TLN2: variants seen among roughly 807,000 people sequenced by gnomAD.
TLN2 encodes the protein talin-2.
TLN2 carries 118 observed loss-of-function variants against 294.7 expected under a neutral mutation model. The ratio of observed to expected loss-of-function variants is 0.40; its 90% confidence interval spans 0.34 to 0.47. TLN2 has a LOEUF of 0.47. Ranked by LOEUF, TLN2 falls within the 20% of genes least tolerant of loss-of-function variation. The pLI is 0.84. For synonymous variants in TLN2, 1,431 were observed against 1,304.5 expected, an observed-to-expected ratio of 1.10 and a Z score of -2.09; for missense variants, 3,083 against 3,282.2, an observed-to-expected ratio of 0.94 and a Z score of 1.48.
At chr15:62,436,590 C>A (rs1220896932) in intron 1 of TLN2, among the ~76,000 whole-genome samples, 1 of 152,164 alleles carries the variant, frequency 6.6e-6, no homozygotes, top group Admixed American at 6.6e-5. Context: ...TTTGAGAAAC[C>A]AGTGAAGGCC....
intron 12 of TLN2, among the ~76,000 whole-genome samples, chr15:62,692,276 C>G (rs115637976): frequency 0.025 from 3,737 of 152,246 alleles, 154 homozygotes; most frequent in African/African-American, 0.079. Context: ...AAGCCACTGG[C>G]TAGAGGGCAG....
intron 48 of TLN2, among the ~76,000 whole-genome samples, chr15:62,799,161 G>A (rs1022055940): frequency 2.6e-5 from 4 of 152,156 alleles, no homozygotes; most frequent in African/African-American, 7.2e-5. Flanking sequence ...GGTTAAGACC[G>A]TGGCCCTCAT....
At chr15:62,792,202 C>T (rs527436680) in intron 45 of TLN2, among the ~76,000 whole-genome samples, 2 of 152,288 alleles carry the variant, frequency 1.3e-5, no homozygotes, top group Admixed American at 1.3e-4. Flanking sequence ...TCTAATTACC[C>T]TCTAGAGCTA....
At chr15:62,567,869 G>A (rs2043537512) in intron 1 of TLN2, among the ~76,000 whole-genome samples, 1 of 152,096 alleles carries the variant, frequency 6.6e-6, no homozygotes, top group Non-Finnish European at 1.5e-5. Context: ...GACCTTGCTT[G>A]AATGTGAAAT....
intron 3 of TLN2, among the ~76,000 whole-genome samples, chr15:62,621,493 C>T (rs1392349106): frequency 1.3e-5 from 2 of 152,126 alleles, no homozygotes; most frequent in Non-Finnish European, 2.9e-5. Flanking sequence ...GATTCAGGCC[C>T]TCCAACTTTG....
At chr15:62,766,448 G>A (rs780311033) in intron 41 of TLN2, 26 bp downstream of exon 41, 50 of 1,583,126 alleles carry the variant, frequency 3.2e-5, no homozygotes, top group South Asian at 2.6e-4. Context: ...GGGATCCTGC[G>A]AGGGTGTGCG....
Position 62,716,356 on chromosome 15 carries a change from A to G in TLN2, c.2660A>G (p.Glu887Gly), listed in dbSNP as rs1253701502. ...AKGAAANPENEDQQQRLREAA... is the reference protein window; with the variant it reads ...AKGAAANPENGDQQQRLREAA... ...GGGGCTGCAGCCAACCCAGAGAATG[A>G]GGACCAGCAGCAAAGGCTGAGAGAA... The change falls in exon 23 of 59, where the codon GAG becomes GGG. Residue 887 changes from glutamate (E) to glycine (G), a missense_variant. By Grantham distance (98) the Glu-to-Gly change is moderately conservative. Transcript: ENST00000636159. 4 of 1,608,082 alleles carry G rather than the reference A, an allele frequency of 2.5e-6. No homozygotes were observed. The African/African-American group carries it at 5.4e-5, about 22-fold the overall frequency.
chr15:62,679,157 C>T (rs1420339387), intron 11 of TLN2, among the ~76,000 whole-genome samples: 1 of 151,964 alleles, frequency 6.6e-6, no homozygotes, highest in East Asian at 1.9e-4. Context: ...AATTGGAACC[C>T]CCATAACCTG....
intron 1 of TLN2, among the ~76,000 whole-genome samples, chr15:62,451,021 G>T (rs2036110694): frequency 6.6e-6 from 1 of 151,534 alleles, no homozygotes; most frequent in Admixed American, 6.6e-5. Context: ...TGTTGCCCAG[G>T]CTGGTCTTGA....
intron 1 of TLN2, among the ~76,000 whole-genome samples, chr15:62,572,825 C>T (rs559604204): frequency 2.2e-4 from 33 of 152,010 alleles, no homozygotes; most frequent in South Asian, 1.0e-3. Context: ...GCACCTGACC[C>T]CCTGTTGCAT....
intron 14 of TLN2, among the ~76,000 whole-genome samples, chr15:62,697,091 T>C (rs1376957756): frequency 6.6e-6 from 1 of 152,226 alleles, no homozygotes; most frequent in African/African-American, 2.4e-5. Context: ...ATCATTATTA[T>C]GGGAATCTCT....
At chr15:62,472,629 C>A (rs781250672) in intron 1 of TLN2, among the ~76,000 whole-genome samples, 1 of 151,840 alleles carries the variant, frequency 6.6e-6, no homozygotes, top group East Asian at 1.9e-4. Flanking sequence ...TGAGATTTAC[C>A]AAAAAAAAGT....
intron 1 of TLN2, among the ~76,000 whole-genome samples, chr15:62,515,994 T>C (rs1321433953): frequency 1.3e-5 from 2 of 152,186 alleles, no homozygotes; most frequent in Non-Finnish European, 2.9e-5. Flanking sequence ...AGGTATGATG[T>C]GGCCAGGACT....
At chr15:62,772,473 G>A (rs1374308607) in intron 42 of TLN2, among the ~76,000 whole-genome samples, 2 of 152,096 alleles carry the variant, frequency 1.3e-5, no homozygotes, top group African/African-American at 4.8e-5. Context: ...AGGGTGCCCT[G>A]CAGTCGTGCC....
At chr15:62,600,027 A>C (rs1421069584) in intron 2 of TLN2, among the ~76,000 whole-genome samples, 1 of 152,152 alleles carries the variant, frequency 6.6e-6, no homozygotes, top group Non-Finnish European at 1.5e-5. Flanking sequence ...AAGAAAGTTG[A>C]GAGGAAGGAG....
At chr15:62,761,613 G>T in intron 37 of TLN2, 68 bp from the exon 38 acceptor site, 1 of 1,601,090 alleles carries the variant, frequency 6.2e-7, no homozygotes, top group Non-Finnish European at 8.5e-7. Context: ...ACTAAGAGGT[G>T]ATTACTGTGG....
chr15:62,466,559 G>A (rs893382989), intron 1 of TLN2, among the ~76,000 whole-genome samples: 6 of 152,212 alleles, frequency 3.9e-5, no homozygotes, highest in Non-Finnish European at 8.8e-5. Context: ...GTTGAGAACC[G>A]TTGCTTTAGA....
intron 6 of TLN2, 102 bp downstream of exon 6, chr15:62,652,236 G>A: frequency 7.8e-7 from 1 of 1,277,598 alleles, no homozygotes; most frequent in Non-Finnish European, 1.0e-6. Context: ...CTTTGAATGT[G>A]TCTTAACACG....
intron 1 of TLN2, among the ~76,000 whole-genome samples, chr15:62,453,955 A>G (rs1220214039): frequency 1.3e-5 from 2 of 152,036 alleles, no homozygotes; most frequent in Admixed American, 6.5e-5. Context: ...TTTTGCTGCT[A>G]TTGTCCACGG....
Sources: allele counts gnomAD v4.1 joint callset (sites outside exome capture counted in the v4.1 genomes callset), GRCh38; gene constraint gnomAD v4.1.1; transcripts MANE v1.5; gene names NCBI Gene and HGNC (gene_info 2026-07-23, HGNC 2026-07-21).